SPHKAP: variants seen among roughly 807,000 people sequenced by gnomAD.
The protein encoded by SPHKAP is SPHK1 interactor, AKAP domain containing.
A neutral mutation model predicts 137.5 loss-of-function variants in SPHKAP; 67 were observed. The ratio of observed to expected loss-of-function variants is 0.49; its 90% confidence interval spans 0.40 to 0.60. SPHKAP has a LOEUF of 0.60. Ranked by LOEUF, SPHKAP falls within the 20% of genes least tolerant of loss-of-function variation. SPHKAP has a pLI of 0.00. For missense variants in SPHKAP, 2,097 were observed against 2,069.3 expected, an observed-to-expected ratio of 1.01 and a Z score of -0.26; for synonymous variants, 813 against 785.3, an observed-to-expected ratio of 1.04 and a Z score of -0.59.
At chr2:227,986,299 C>G (rs184045296) in intron 11 of SPHKAP, among the ~76,000 whole-genome samples, 44 of 152,222 alleles carry the variant, frequency 2.9e-4, no homozygotes, top group African/African-American at 1.0e-3. Context: ...GACTATTATT[C>G]TAAGTTAAGT....
Position 228,180,495 on chromosome 2 carries a change from G to A in SPHKAP, c.32+1072C>T, listed in dbSNP as rs549764904. ...CTCTCCAAGAATCCGAACTTAAAGT[G>A]TTTATTCTAGGGCCTGGTGCTCTGC... is the stretch of plus-strand genomic sequence containing the variant. On this transcript the variant is annotated intron_variant, in intron 1 of 11. Transcript: ENST00000392056. Among the ~76,000 whole-genome samples, 28 of 152,232 alleles carry A rather than the reference G, an allele frequency of 1.8e-4. 1 individual carries two copies. The South Asian group carries it at 5.8e-3, about 32-fold the overall frequency.
intron 1 of SPHKAP, among the ~76,000 whole-genome samples, chr2:228,176,424 A>G (rs1700742727): frequency 6.6e-6 from 1 of 152,224 alleles, no homozygotes; most frequent in African/African-American, 2.4e-5. Context: ...AGTAGGAGTG[A>G]CATAGAAGAT....
At chr2:228,177,067 T>C (rs1363598892) in intron 1 of SPHKAP, among the ~76,000 whole-genome samples, 2 of 152,090 alleles carry the variant, frequency 1.3e-5, no homozygotes, top group African/African-American at 4.8e-5. Context: ...TAATCATTCA[T>C]TTATGAGATG....
chr2:228,039,333 T>C (rs1402520832), intron 3 of SPHKAP, among the ~76,000 whole-genome samples: 1 of 152,232 alleles, frequency 6.6e-6, no homozygotes, highest in African/African-American at 2.4e-5. Context: ...ATTGCAGGAA[T>C]AAATGTCACT....
intron 3 of SPHKAP, among the ~76,000 whole-genome samples, chr2:228,029,769 A>T (rs1695208509): frequency 6.6e-6 from 1 of 152,214 alleles, no homozygotes; most frequent in Non-Finnish European, 1.5e-5. Flanking sequence ...AATATCCATC[A>T]GTCCTCAGGG....
At chr2:228,105,392 C>T (rs1303681266) in intron 3 of SPHKAP, among the ~76,000 whole-genome samples, 1 of 152,160 alleles carries the variant, frequency 6.6e-6, no homozygotes, top group Non-Finnish European at 1.5e-5. Context: ...GCTTCCAATT[C>T]CATTATCCTA....
At chr2:228,106,427 TAAC>T (rs1268105894) in intron 3 of SPHKAP, among the ~76,000 whole-genome samples, 1 of 152,188 alleles carries the variant, frequency 6.6e-6, no homozygotes, top group East Asian at 1.9e-4. Context: ...AAAGCAATAA[TAAC>T]TGAATTACTA....
intron 1 of SPHKAP, among the ~76,000 whole-genome samples, chr2:228,176,874 T>TCAAAAA (rs754591181): frequency 5.3e-5 from 8 of 152,188 alleles, no homozygotes; most frequent in East Asian, 1.9e-4. Context: ...AAACTCCGTC[T>TCAAAAA]CAAAAACAAA....
intron 2 of SPHKAP, 69 bp from the exon 3 acceptor site, chr2:228,109,008 T>C: frequency 7.9e-6 from 4 of 503,366 alleles, no homozygotes; most frequent in Non-Finnish European, 1.1e-5. Flanking sequence ...GCTCTCTCTC[T>C]TTTTTTTTTT....
At chr2:228,054,937 C>T (rs566325339) in intron 3 of SPHKAP, among the ~76,000 whole-genome samples, 37 of 151,918 alleles carry the variant, frequency 2.4e-4, no homozygotes, top group African/African-American at 7.2e-4. Context: ...GTCAGGAGTT[C>T]GAGACCAACC....
At chr2:228,059,309 A>T (rs182494971) in intron 3 of SPHKAP, among the ~76,000 whole-genome samples, 33 of 152,294 alleles carry the variant, frequency 2.2e-4, no homozygotes, top group Non-Finnish European at 4.3e-4. Context: ...AACTTCTAAG[A>T]AGTTACCAAA....
chr2:228,104,312 A>C (rs1486404451), intron 3 of SPHKAP, among the ~76,000 whole-genome samples: 2 of 145,804 alleles, frequency 1.4e-5, no homozygotes, highest in Non-Finnish European at 3.0e-5. Context: ...TAATAATATT[A>C]ATAATATAAT....
chr2:228,025,450 C>A lies in SPHKAP; in HGVS notation c.385G>T (p.Val129Phe), dbSNP rs754694515. The A allele has an allele frequency of 3.3e-5, 54 of 1,613,822 alleles. No homozygotes were observed. In the South Asian group the frequency reaches 4.9e-4, roughly 15 times the overall value. ...NVQQPKENEI[V>F]VLSGLASGNL... is the part of the protein sequence containing the mutation. ...CCAGAGGCTAACCCACTTAGGACAA[C>A]AATTTCATTTTCTTTTGGTTGTTGG... Residue 129 changes from valine to phenylalanine, a missense_variant, in exon 5 of 12, where the codon GTT becomes TTT. By Grantham distance (50) the Val-to-Phe change is conservative (BLOSUM62 -1). Coordinates refer to ENST00000392056, the MANE Select transcript of SPHKAP (RefSeq NM_001142644.2).
chr2:228,048,729 G>A (rs923219745), intron 3 of SPHKAP, among the ~76,000 whole-genome samples: 2 of 152,134 alleles, frequency 1.3e-5, no homozygotes, highest in Admixed American at 1.3e-4. Context: ...TGGCCTAGGT[G>A]TGTAGTAGGC....
intron 1 of SPHKAP, among the ~76,000 whole-genome samples, chr2:228,135,149 C>T (rs1191997299): frequency 1.3e-5 from 2 of 152,024 alleles, no homozygotes; most frequent in Non-Finnish European, 2.9e-5. Context: ...TGGTGCATGC[C>T]TGTAATCCCA....
chr2:228,018,578 C>T lies in SPHKAP; in HGVS notation c.2276G>A (p.Ser759Asn). 6.2e-7 allele frequency: 1 copy of T among 1,613,852 alleles called. No individual in the cohort carries two copies. Among genetic ancestry groups the T allele is most frequent in the Non-Finnish European group, 8.5e-7 (1 of 1,179,850 alleles). ...TTCAGTGGCTTTTGTCCAAGCTTGA[C>T]TAGCACCCGGATCAGATGGCTGGCA... ...PSCQPSDPGA[S>N]QAWTKATESS... Residue 759 changes from serine (S) to asparagine (N), a missense_variant, in exon 7 of 12, where the codon AGT becomes AAT. Transcript: ENST00000392056.
At chr2:228,006,979 G>A (rs1015897287) in intron 7 of SPHKAP, among the ~76,000 whole-genome samples, 16 of 152,152 alleles carry the variant, frequency 1.1e-4, no homozygotes, top group African/African-American at 1.4e-4. Context: ...TAGGCTACTC[G>A]GGGGTCAGGG....
chr2:228,067,662 T>C (rs1175419144), intron 3 of SPHKAP, among the ~76,000 whole-genome samples: 2 of 152,170 alleles, frequency 1.3e-5, no homozygotes, highest in Non-Finnish European at 2.9e-5. Context: ...ATTGAGCAGG[T>C]ACAGGTAAGA....
intron 11 of SPHKAP, 88 bp from the exon 12 acceptor site, chr2:227,981,948 C>T (rs1488100761): frequency 2.0e-6 from 3 of 1,468,690 alleles, no homozygotes; most frequent in East Asian, 2.5e-5. Context: ...GCCAATGGCT[C>T]TCCAGTCTCT....
Sources: allele counts gnomAD v4.1 joint callset (sites outside exome capture counted in the v4.1 genomes callset), GRCh38; gene constraint gnomAD v4.1.1; transcripts MANE v1.5; gene names NCBI Gene and HGNC (gene_info 2026-07-23, HGNC 2026-07-21).